The following IAH1 variants were observed in gnomAD, a reference collection of about 807,000 sequenced individuals.
IAH1 encodes the protein isoamyl acetate-hydrolyzing esterase 1 homolog.
In IAH1, 24 loss-of-function variants were observed where a neutral mutation model predicts 26.7. That is an observed-to-expected ratio of 0.90 (90% confidence interval 0.65 to 1.26). The LOEUF is 1.26. IAH1 is among the 50% of genes most tolerant of loss of function. The probability of loss-of-function intolerance (pLI) is 0.00; values close to 1 mark genes in which losing one functional copy is unlikely to be tolerated. For missense variants in IAH1, 300 were observed against 299.9 expected (o/e 1.00, Z 0.00); for synonymous variants, 140 against 118.5 (o/e 1.18, Z -1.18).
chr2:9,496,956 C>G (rs12995571), downstream of IAH1, among the ~76,000 whole-genome samples: 77,247 of 151,988 alleles, frequency 0.51, 20,569 homozygotes, highest in Middle Eastern at 0.67. Flanking sequence ...TGCAGAGATG[C>G]CTGTCTCCAG....
At chr2:9,493,634 T>C (rs1662334273), downstream of IAH1, 3 of 840,908 alleles carry the variant, frequency 3.6e-6, no homozygotes, top group South Asian at 1.7e-5. Context: ...AAGCTGTGAA[T>C]AGTTCCACCT....
At chr2:9,488,027 G>A in intron 5 of IAH1, 120 bp from the exon 6 acceptor site, 2 of 654,764 alleles carry the variant, frequency 3.1e-6, no homozygotes, top group Non-Finnish European at 5.0e-6. Flanking sequence ...ATTTTTTGTA[G>A]AGACAGGGTC....
At chr2:9,492,964 G>A (rs753079319), downstream of IAH1, 6 of 1,611,498 alleles carry the variant, frequency 3.7e-6, no homozygotes, top group African/African-American at 1.3e-5. Flanking sequence ...CAGACCCAAC[G>A]ATGTTGTCTG....
downstream of IAH1, chr2:9,493,675 A>C (rs1662336063): frequency 7.4e-7 from 1 of 1,357,936 alleles, no homozygotes; most frequent in African/African-American, 1.4e-5. Context: ...CATCACTCTG[A>C]AAGCACACTT....
chr2:9,492,454 C>T (rs1662234566), downstream of IAH1, among the ~76,000 whole-genome samples: 1 of 152,208 alleles, frequency 6.6e-6, no homozygotes, highest in South Asian at 2.1e-4. Flanking sequence ...GCCCCAGTCC[C>T]TACATCCTAT....
At chr2:9,487,829 TGTGTGC>T (rs1224031565) in intron 5 of IAH1, among the ~76,000 whole-genome samples, 1,062 of 78,900 alleles carry the variant, frequency 0.013, 8 homozygotes, top group African/African-American at 0.043. Context: ...TGTGTGTGTG[TGTGTGC>T]GCGCGCGCGC....
In IAH1 at chr2:9,474,985, C is replaced by G. The variant is rs1414023796; in HGVS notation, c.81+338C>G. The G allele has an allele frequency of 3.0e-5, 33 of 1,098,792 alleles. No individual in the cohort carries two copies. Among genetic ancestry groups the G allele is most frequent in the Non-Finnish European group, 3.7e-5 (33 of 894,232 alleles). The allele number at this position is 1,098,792 out of a possible 1,614,324, so 68.1% of individuals were successfully genotyped here. A position where few individuals can be genotyped will look rare whatever the true frequency, so the allele number is the denominator to read the frequency against. Reference sequence around the variant, plus strand: ...CCTCCTGGGCAGCGGCCTTTCCCCTCCGGGTCCGGGTTAGCGGCCGCGGGC... The same window carrying G: ...CCTCCTGGGCAGCGGCCTTTCCCCTGCGGGTCCGGGTTAGCGGCCGCGGGC... On this transcript the variant is annotated intron_variant, in intron 1 of 5. Transcript: ENST00000497473. This position sits in a 1 kb window ranked among gnomAD's most constrained non-coding sequence, Gnocchi z 4.3.
downstream of IAH1, among the ~76,000 whole-genome samples, chr2:9,498,755 GGTT>G: frequency 6.6e-6 from 1 of 152,236 alleles, no homozygotes; most frequent in African/African-American, 2.4e-5. Flanking sequence ...GCTCAGGGAA[GGTT>G]TATATTGTGG....
intron 5 of IAH1, chr2:9,484,924 A>T (rs1661390163): frequency 5.8e-6 from 1 of 173,090 alleles, no homozygotes; most frequent in Non-Finnish European, 1.2e-5. Flanking sequence ...ACTGTTTGAG[A>T]TATGTAGTTC....
the IAH1 span, among the ~76,000 whole-genome samples, chr2:9,503,989 T>TA: frequency 6.6e-6 from 1 of 151,540 alleles, no homozygotes; most frequent in Non-Finnish European, 1.5e-5. Flanking sequence ...CCCATCTCTA[T>TA]AAAAAATACA....
In IAH1 at chr2:9,476,003, G is replaced by T; in HGVS notation, c.98G>T (p.Gly33Val). 1.2e-6 allele frequency: 2 copies of T among 1,613,864 alleles called. No homozygotes were observed. The highest frequency in any genetic ancestry group is 1.7e-6 in the Non-Finnish European group (2 of 1,179,936). ...TTCCTCCAGTTTTCCTTCCAGCAGGGTGGATGGGGAGCATCGCTGGCTGAC... is the reference window on the plus strand; with the variant it reads ...TTCCTCCAGTTTTCCTTCCAGCAGGTTGGATGGGGAGCATCGCTGGCTGAC... ...DSITQFSFQQGGWGASLADRL... is the reference protein window; with the variant it reads ...DSITQFSFQQVGWGASLADRL... The change falls in exon 2 of 6, where the codon GGT becomes GTT. Residue 33 changes from glycine to valine, a missense_variant. Physicochemically the swap from Gly to Val is moderately radical, Grantham distance 109. Transcript: ENST00000497473.
At chr2:9,507,445 T>C in the IAH1 span, among the ~76,000 whole-genome samples, 1 of 152,028 alleles carries the variant, frequency 6.6e-6, no homozygotes, top group Admixed American at 6.6e-5. Flanking sequence ...GAGGTTGCAG[T>C]GAGCAGAGAT....
At chr2:9,505,630 A>G in the IAH1 span, 2 of 440,794 alleles carry the variant, frequency 4.5e-6, no homozygotes, top group Admixed American at 6.9e-5. Flanking sequence ...CTATACAAAT[A>G]CTGAGACCAA....
At chr2:9,477,490 GAA>G (rs147460467) in intron 2 of IAH1, among the ~76,000 whole-genome samples, 1 of 151,626 alleles carries the variant, frequency 6.6e-6, no homozygotes, top group Non-Finnish European at 1.5e-5. Context: ...CCAAGACTAA[GAA>G]AAAAAGAGTC....
At chr2:9,483,214 G>T (rs1661284572) in intron 4 of IAH1, among the ~76,000 whole-genome samples, 1 of 152,104 alleles carries the variant, frequency 6.6e-6, no homozygotes, top group South Asian at 2.1e-4. Context: ...GTAGAGGAGG[G>T]GTCACATCTC....
intron 3 of IAH1, 42 bp from the exon 4 acceptor site, chr2:9,481,244 A>G (rs1661150338): frequency 1.2e-6 from 2 of 1,600,946 alleles, no homozygotes. Flanking sequence ...GTCACTTATA[A>G]TAAATATGCA....
In IAH1 at chr2:9,475,202, G is replaced by A. The variant is rs1682412527; in HGVS notation, c.81+555G>A. ...TCATCTCACCTCCCATGAAGGGAAC[G>A]GTCTTCTAAATGCAGGTTCTTACTT... On this transcript the variant is annotated intron_variant, in intron 1 of 5. Coordinates refer to ENST00000497473, the MANE Select transcript of IAH1 (RefSeq NM_001039613.3). 3 of 1,289,234 alleles carry A rather than the reference G, an allele frequency of 2.3e-6. No individual in the cohort carries two copies. The South Asian group carries it at 3.7e-5, about 16-fold the overall frequency. 79.9% of individuals were successfully genotyped at this position (1,289,234 alleles called of 1,614,324 possible).
downstream of IAH1, chr2:9,490,040 C>A: frequency 1.3e-6 from 1 of 791,306 alleles, no homozygotes; most frequent in Admixed American, 2.9e-5. Context: ...AACTGTTTAC[C>A]TGCAGGAAGT....
chr2:9,482,030 C>CTT (rs1313748153), intron 4 of IAH1, among the ~76,000 whole-genome samples: 1 of 96,450 alleles, frequency 1.0e-5, no homozygotes. Context: ...TATGGAAGTT[C>CTT]TCTTTTTTTT....
Sources: gnomAD v4.1 joint callset for allele counts (sites outside exome capture counted in the v4.1 genomes callset) on GRCh38, gnomAD v4.1.1 for gene constraint, Gnocchi (gnomAD v3.1) non-coding constraint, MANE v1.5 for transcripts, NCBI Gene and HGNC (gene_info 2026-07-23, HGNC 2026-07-21) for gene names.